MTERF4: variants seen among roughly 807,000 people sequenced by gnomAD.
MTERF4 encodes transcription termination factor 4, mitochondrial.
Under a neutral mutation model 22.5 loss-of-function variants are expected in MTERF4, and 17 were observed. That is an observed-to-expected ratio of 0.75 (90% CI 0.52 to 1.13). The LOEUF is 1.13. Among genes scored for constraint, MTERF4 ranks in the 50% most tolerant of loss-of-function variants. The probability of loss-of-function intolerance (pLI) is 0.00; values close to 1 mark genes in which losing one functional copy is unlikely to be tolerated. For missense variants in MTERF4, 420 were observed against 466.8 expected (o/e 0.90, Z 0.92); for synonymous variants, 165 against 175.3 (o/e 0.94, Z 0.47).
Position 241,096,423 on chromosome 2 carries a change from T to G in MTERF4, c.721A>C (p.Met241Leu), listed in dbSNP as rs1276225066. The G allele has an allele frequency of 4.3e-6, 7 of 1,613,828 alleles. 1 individual carries two copies. Among genetic ancestry groups the G allele is most frequent in the Middle Eastern group, 1.6e-4 (1 of 6,082 alleles). The change falls in exon 4 of 4, where the codon ATG becomes CTG. Residue 241 changes from methionine (M) to leucine (L), a missense_variant. Physicochemically the swap from Met to Leu is conservative, Grantham distance 15. Coordinates refer to ENST00000391980, the MANE Select transcript of MTERF4 (RefSeq NM_182501.4). This position sits in a 1 kb window ranked among gnomAD's most constrained non-coding sequence, Gnocchi z 5.1. ...ACAATGTCTGGATGCTTAATTCCCATCCTGAAGTATGCATACTGGAAGACA... is the reference window on the plus strand; with the variant it reads ...ACAATGTCTGGATGCTTAATTCCCAGCCTGAAGTATGCATACTGGAAGACA... ...EYKFQYAYFRMGIKHPDIVKS... is the reference protein window; with the variant it reads ...EYKFQYAYFRLGIKHPDIVKS...
the MTERF4 span, chr2:241,052,364 C>A: frequency 6.3e-7 from 1 of 1,575,174 alleles, no homozygotes; most frequent in Non-Finnish European, 8.6e-7. Flanking sequence ...GCCCCCTCCC[C>A]CTGCTTCCGG....
downstream of MTERF4, among the ~76,000 whole-genome samples, chr2:241,068,565 T>G (rs1427062852): frequency 6.6e-6 from 1 of 151,934 alleles, no homozygotes; most frequent in East Asian, 1.9e-4. The surrounding 1 kb of genome is among the most constrained non-coding windows in gnomAD (Gnocchi z 5.3). Flanking sequence ...TCCTGAGAAT[T>G]TACATCAACT....
the MTERF4 span, chr2:241,051,564 C>T: frequency 2.4e-5 from 11 of 462,886 alleles, no homozygotes; most frequent in African/African-American, 1.2e-4. The surrounding 1 kb of genome is among the most constrained non-coding windows in gnomAD (Gnocchi z 4.7). Context: ...GCCTGTGAGC[C>T]CCACCCCAGC....
chr2:241,090,249 C>T (rs997278525), downstream of MTERF4: 4 of 1,504,970 alleles, frequency 2.7e-6, no homozygotes, highest in African/African-American at 5.6e-5. Context: ...AAAACTAAGA[C>T]ACAAACACAC....
At chr2:241,082,192 C>T, downstream of MTERF4, 2 of 1,093,954 alleles carry the variant, frequency 1.8e-6, no homozygotes, top group Non-Finnish European at 2.7e-6. Context: ...GACCCCCGGG[C>T]CCTCTCCCTT....
the MTERF4 span, among the ~76,000 whole-genome samples, chr2:241,057,045 C>G: frequency 3.9e-5 from 6 of 152,040 alleles, no homozygotes; most frequent in Non-Finnish European, 7.4e-5. Context: ...AATACATCAA[C>G]CCACAAATTC....
intron 1 of MTERF4, chr2:241,101,068 G>T: frequency 2.3e-6 from 1 of 433,532 alleles, no homozygotes; most frequent in Non-Finnish European, 5.0e-6. Context: ...GACTGGTGAG[G>T]GGTTTCAGGA....
At chr2:241,050,497 C>T in the MTERF4 span, among the ~76,000 whole-genome samples, 1 of 152,138 alleles carries the variant, frequency 6.6e-6, no homozygotes, top group East Asian at 1.9e-4. Context: ...ACCTGGCACC[C>T]TCTCCAGGGG....
At chr2:241,061,014 T>C in the MTERF4 span, among the ~76,000 whole-genome samples, 1 of 152,012 alleles carries the variant, frequency 6.6e-6, no homozygotes, top group Non-Finnish European at 1.5e-5. Flanking sequence ...AGTGAAAGAC[T>C]CCTTAAGCCA....
chr2:241,070,501 G>A (rs114262236), downstream of MTERF4, among the ~76,000 whole-genome samples: 3,921 of 152,330 alleles, frequency 0.026, 82 homozygotes, highest in Middle Eastern at 0.058. Flanking sequence ...AACGGGTGCC[G>A]AGGGTGGCAG....
chr2:241,070,683 A>G (rs894549736), downstream of MTERF4, among the ~76,000 whole-genome samples: 1 of 152,188 alleles, frequency 6.6e-6, no homozygotes, highest in African/African-American at 2.4e-5. Context: ...GTGGGGACAG[A>G]TGCTCCGAAG....
chr2:241,056,667 G>A, the MTERF4 span, among the ~76,000 whole-genome samples: 10 of 136,086 alleles, frequency 7.3e-5, no homozygotes, highest in African/African-American at 2.8e-4. Flanking sequence ...TGCAATCTCC[G>A]CCTCCTGGGT....
the MTERF4 span, among the ~76,000 whole-genome samples, chr2:241,062,339 AAAAT>A: frequency 5.9e-5 from 9 of 152,242 alleles, no homozygotes; most frequent in Non-Finnish European, 1.3e-4. Context: ...AAACTTTAAA[AAAAT>A]AAATATTTAA....
At chr2:241,084,019 C>T (rs556237925), downstream of MTERF4, among the ~76,000 whole-genome samples, 2 of 151,802 alleles carry the variant, frequency 1.3e-5, no homozygotes, top group East Asian at 3.9e-4. Flanking sequence ...ACTGGTTATA[C>T]TTCTTAGGTT....
chr2:241,099,071 T>G, intron 2 of MTERF4: 2 of 221,982 alleles, frequency 9.0e-6, no homozygotes, highest in East Asian at 1.1e-4. Flanking sequence ...CCTGTCACAC[T>G]ATATAAAATC....
chr2:241,071,915 C>A (rs6746124), downstream of MTERF4: 722,470 of 1,513,470 alleles, frequency 0.48, 173,149 homozygotes, highest in African/African-American at 0.63. Flanking sequence ...CTTGGTGGCC[C>A]ACCCTCGTCC....
the MTERF4 span, chr2:241,051,782 G>C: frequency 6.4e-7 from 1 of 1,552,388 alleles, no homozygotes; most frequent in Non-Finnish European, 8.7e-7. The surrounding 1 kb of genome is among the most constrained non-coding windows in gnomAD (Gnocchi z 4.7). Context: ...CTGCCGGAAC[G>C]GGGGCACGTG....
the MTERF4 span, chr2:241,048,424 C>A: frequency 6.2e-7 from 1 of 1,607,964 alleles, no homozygotes; most frequent in Non-Finnish European, 8.5e-7. Context: ...GCTTCATGGG[C>A]CTGGACTGCA....
At chr2:241,087,353 T>C (rs1172990255), downstream of MTERF4, 11 of 1,555,306 alleles carry the variant, frequency 7.1e-6, no homozygotes, top group Non-Finnish European at 8.7e-6. Context: ...AACATTTTGC[T>C]TCACTGTCTG....
Sources: gnomAD v4.1 joint callset for allele counts (sites outside exome capture counted in the v4.1 genomes callset) on GRCh38, gnomAD v4.1.1 for gene constraint, Gnocchi (gnomAD v3.1) non-coding constraint, MANE v1.5 for transcripts, NCBI Gene and HGNC (gene_info 2026-07-23, HGNC 2026-07-21) for gene names.